PITPNC1: variants seen among roughly 807,000 people sequenced by gnomAD.
PITPNC1 encodes cytoplasmic phosphatidylinositol transfer protein 1.
Under a neutral mutation model 44.7 loss-of-function variants are expected in PITPNC1, and 18 were observed. The ratio of observed to expected loss-of-function variants is 0.40; its 90% CI spans 0.28 to 0.60. The LOEUF is 0.60. Among genes scored for constraint, PITPNC1 ranks in the 20% least tolerant of loss-of-function variants. The pLI is 0.39. For synonymous variants in PITPNC1, 141 were observed against 149.6 expected, an observed-to-expected ratio of 0.94 and a Z score of 0.42; for missense variants, 290 against 418.4, an observed-to-expected ratio of 0.69 and a Z score of 2.68.
rs1275952146 is a variant in PITPNC1, at chr17:67,500,643, T to C, written c.49-32159T>C. On this transcript the variant is annotated intron_variant, in intron 1 of 8. Coordinates refer to ENST00000581322, the MANE Select transcript of PITPNC1 (RefSeq NM_012417.4). ...GACAAATTTTATGGTTTGAATTATATCTCAATTTTTTTTTAAGATTTTTTT... is the reference window on the plus strand; with the variant it reads ...GACAAATTTTATGGTTTGAATTATACCTCAATTTTTTTTTAAGATTTTTTT... Among the ~76,000 whole-genome samples, 4 of 126,556 alleles carry C rather than the reference T, an allele frequency of 3.2e-5. No individual in the cohort carries two copies. The East Asian group carries it at 1.0e-3, about 32-fold the overall frequency. 83.0% of individuals were successfully genotyped at this position (126,556 alleles called of 152,430 possible).
chr17:67,604,680 A>G (rs1210302310), intron 5 of PITPNC1, among the ~76,000 whole-genome samples: 1 of 152,092 alleles, frequency 6.6e-6, no homozygotes, highest in African/African-American at 2.4e-5. Context: ...CTACTTGGGA[A>G]GCTGAGGCAC....
intron 1 of PITPNC1, among the ~76,000 whole-genome samples, chr17:67,400,963 G>A (rs569090493): frequency 1.1e-4 from 17 of 151,778 alleles, no homozygotes; most frequent in Admixed American, 3.9e-4. Context: ...ACTCTGTCAT[G>A]TCACCCAGGC....
intron 1 of PITPNC1, among the ~76,000 whole-genome samples, chr17:67,467,537 C>T (rs940110452): frequency 1.5e-4 from 23 of 152,148 alleles, no homozygotes; most frequent in African/African-American, 5.3e-4. Context: ...TTGAGTGGCT[C>T]TCGCAAAATT....
chr17:67,681,192 T>A (rs935373444), intron 8 of PITPNC1, among the ~76,000 whole-genome samples: 1 of 152,198 alleles, frequency 6.6e-6, no homozygotes, highest in African/African-American at 2.4e-5. Context: ...ATTAACCTCC[T>A]TTCTTTAAAA....
chr17:67,378,187 G>T lies in PITPNC1; in HGVS notation c.33G>T (p.Pro11=). ...TGAAAGAGTACCGGATCTGCATGCCGCTCACCGTAGACGAGGTAAGCGCCG... is the reference window on the plus strand; with the variant it reads ...TGAAAGAGTACCGGATCTGCATGCCTCTCACCGTAGACGAGGTAAGCGCCG... MLLKEYRICM[P]LTVDEYKIGQ... The change falls in exon 1 of 9, where the codon CCG becomes CCT. Residue 11 remains proline (P), a synonymous_variant. Transcript: ENST00000581322. The T allele has an allele frequency of 6.5e-7, 1 of 1,545,272 alleles. No individual in the cohort carries two copies. The highest frequency in any genetic ancestry group is 1.2e-5 in the South Asian group (1 of 83,818).
chr17:67,381,460 TTCTC>T (rs995860346), intron 1 of PITPNC1, among the ~76,000 whole-genome samples: 2 of 150,096 alleles, frequency 1.3e-5, no homozygotes, highest in African/African-American at 2.5e-5. Context: ...TGGAACTTGT[TTCTC>T]TCTCTTTTTT....
intron 5 of PITPNC1, among the ~76,000 whole-genome samples, chr17:67,599,021 TA>T (rs1568059308): frequency 0.031 from 1,239 of 40,308 alleles, 46 homozygotes; most frequent in Admixed American, 0.078. Flanking sequence ...TATATATATA[TA>T]TATATATATA....
chr17:67,442,204 C>CATGTATAT (rs1178533056), intron 1 of PITPNC1, among the ~76,000 whole-genome samples: 4 of 54,218 alleles, frequency 7.4e-5, no homozygotes, highest in African/African-American at 1.5e-4. Flanking sequence ...GGAAAATAAG[C>CATGTATAT]ATATATATAT....
intron 5 of PITPNC1, among the ~76,000 whole-genome samples, chr17:67,605,229 C>T (rs997550894): frequency 1.7e-4 from 26 of 152,262 alleles, no homozygotes; most frequent in African/African-American, 5.8e-4. Context: ...TCTCATAGTC[C>T]CTATGTGCCT....
At chr17:67,396,756 C>T (rs1029381641) in intron 1 of PITPNC1, among the ~76,000 whole-genome samples, 8 of 152,090 alleles carry the variant, frequency 5.3e-5, no homozygotes, top group Admixed American at 1.3e-4. Context: ...CCTTCACCTC[C>T]CTGAGCTCAA....
intron 6 of PITPNC1, among the ~76,000 whole-genome samples, chr17:67,650,394 C>T (rs1265069149): frequency 6.8e-6 from 1 of 148,116 alleles, no homozygotes; most frequent in African/African-American, 2.5e-5. Context: ...TTGCTTTCAT[C>T]TTCTCCCCAG....
rs1048611491 is a variant in PITPNC1, at chr17:67,542,408, C to T, written c.197+9458C>T. Among the ~76,000 whole-genome samples the T allele has an allele frequency of 3.3e-5, 5 of 152,208 alleles. No individual in the cohort carries two copies. In the East Asian group the frequency reaches 9.6e-4, roughly 29 times the overall value. On this transcript the variant is annotated intron_variant, in intron 2 of 8. Coordinates refer to ENST00000581322, the MANE Select transcript of PITPNC1 (RefSeq NM_012417.4). The stretch of plus-strand genomic sequence containing the variant: ...AACGTAGAGCCACCTCAAGGTGACT[C>T]AAGTCCTCCATGCATAAGTCATGTG...
intron 1 of PITPNC1, among the ~76,000 whole-genome samples, chr17:67,424,769 C>A (rs967112706): frequency 6.6e-6 from 1 of 151,940 alleles, no homozygotes; most frequent in Non-Finnish European, 1.5e-5. Context: ...GTGATCGGCT[C>A]GCTGCAACCT....
At chr17:67,621,542 G>T (rs1255064956) in intron 5 of PITPNC1, among the ~76,000 whole-genome samples, 1 of 152,036 alleles carries the variant, frequency 6.6e-6, no homozygotes, top group Non-Finnish European at 1.5e-5. Context: ...GTAATATATG[G>T]ATTATATGTC....
intron 5 of PITPNC1, among the ~76,000 whole-genome samples, chr17:67,599,035 T>TATATATATATATATATATATA (rs71139161): frequency 1.1e-3 from 33 of 28,838 alleles, no homozygotes; most frequent in East Asian, 2.1e-3. Context: ...TATATATATA[T>TATATATATATATATATATATA]TTTTTTTTTT....
chr17:67,558,469 A>G (rs1282833801), intron 4 of PITPNC1, among the ~76,000 whole-genome samples: 1 of 151,050 alleles, frequency 6.6e-6, no homozygotes, highest in Non-Finnish European at 1.5e-5. Context: ...CTAGAGCTAA[A>G]AAAAAAAAAA....
intron 1 of PITPNC1, among the ~76,000 whole-genome samples, chr17:67,495,678 T>C (rs1004470358): frequency 1.6e-4 from 24 of 152,368 alleles, no homozygotes; most frequent in African/African-American, 5.8e-4. Flanking sequence ...GATAATGGCC[T>C]ACAGCTCCAT....
intron 1 of PITPNC1, among the ~76,000 whole-genome samples, chr17:67,512,631 T>A (rs1466896209): frequency 6.6e-6 from 1 of 152,160 alleles, no homozygotes; most frequent in East Asian, 1.9e-4. Context: ...ATTTTTTGTT[T>A]ATATATCGAT....
At chr17:67,467,738 G>A (rs994808287) in intron 1 of PITPNC1, among the ~76,000 whole-genome samples, 1 of 152,144 alleles carries the variant, frequency 6.6e-6, no homozygotes, top group African/African-American at 2.4e-5. Context: ...GTTGCCTTTG[G>A]GCCTTGTGTC....
Sources: allele counts gnomAD v4.1 joint callset (sites outside exome capture counted in the v4.1 genomes callset), GRCh38; gene constraint gnomAD v4.1.1; transcripts MANE v1.5; gene names NCBI Gene and HGNC (gene_info 2026-07-23, HGNC 2026-07-21).